Variants in PCBP3 observed in about 807,000 individuals in gnomAD.
PCBP3 encodes poly(rC) binding protein 3.
PCBP3 carries 25 observed loss-of-function variants against 52.7 expected under a neutral mutation model. The observed-to-expected ratio is 0.47, with a 90% CI of 0.35 to 0.66. The LOEUF (loss-of-function observed/expected upper bound fraction) is 0.66, where lower values mean the gene tolerates loss of function less well. Ranked by LOEUF, PCBP3 falls within the 30% of genes least tolerant of loss-of-function variation. PCBP3 has a pLI of 0.01. For missense variants in PCBP3, 391 were observed against 490.3 expected (o/e 0.80, Z 1.91); for synonymous variants, 162 against 183.0 (o/e 0.89, Z 0.93).
chr21:45,671,362 G>A (rs1032394290), intron 2 of PCBP3, among the ~76,000 whole-genome samples: 4 of 152,152 alleles, frequency 2.6e-5, no homozygotes, highest in African/African-American at 9.7e-5. Context: ...TCCAGTTGTC[G>A]CTCTTGTCGT....
intron 1 of PCBP3, among the ~76,000 whole-genome samples, chr21:45,652,177 G>A (rs1361212151): frequency 6.6e-6 from 1 of 152,110 alleles, no homozygotes; most frequent in Non-Finnish European, 1.5e-5. Flanking sequence ...TGGCTGTTCT[G>A]AGCCAGCCCT....
At chr21:45,725,172 G>A (rs1426390000) in intron 2 of PCBP3, among the ~76,000 whole-genome samples, 1 of 152,176 alleles carries the variant, frequency 6.6e-6, no homozygotes. Flanking sequence ...TGGGCCCTGG[G>A]CTGCGGTGCG....
At chr21:45,710,278 T>C (rs1210012085) in intron 2 of PCBP3, among the ~76,000 whole-genome samples, 2 of 152,228 alleles carry the variant, frequency 1.3e-5, no homozygotes, top group Non-Finnish European at 2.9e-5. Flanking sequence ...CCATTAGGTA[T>C]ATATCTCCTA....
intron 13 of PCBP3, among the ~76,000 whole-genome samples, chr21:45,920,423 A>C (rs2074277799): frequency 6.6e-6 from 1 of 152,220 alleles, no homozygotes; most frequent in Non-Finnish European, 1.5e-5. Flanking sequence ...TATCTCTTAG[A>C]AATGGGTAGT....
chr21:45,783,285 G>GT (rs1386689797), intron 4 of PCBP3, among the ~76,000 whole-genome samples: 1 of 152,092 alleles, frequency 6.6e-6, no homozygotes, highest in Non-Finnish European at 1.5e-5. Flanking sequence ...GCTTTTCTTG[G>GT]TTTTCAGCCA....
chr21:45,796,674 T>G (rs1203822125), intron 4 of PCBP3, among the ~76,000 whole-genome samples: 1 of 152,238 alleles, frequency 6.6e-6, no homozygotes. Context: ...TTTTTTCACC[T>G]TTTGCACCAT....
chr21:45,866,918 A>C (rs540986013), intron 5 of PCBP3, among the ~76,000 whole-genome samples: 21 of 152,358 alleles, frequency 1.4e-4, no homozygotes, highest in Admixed American at 1.1e-3. Flanking sequence ...AGGGAACAGG[A>C]ATCCCATAAC....
intron 2 of PCBP3, among the ~76,000 whole-genome samples, chr21:45,684,437 G>A (rs770418773): frequency 1.3e-5 from 2 of 152,154 alleles, no homozygotes; most frequent in Non-Finnish European, 2.9e-5. Context: ...ATATTGAAAT[G>A]TGATCCCCAG....
At chr21:45,910,733 G>A (rs1349091139) in intron 10 of PCBP3, among the ~76,000 whole-genome samples, 169 bp from the exon 11 acceptor site, 1 of 152,200 alleles carries the variant, frequency 6.6e-6, no homozygotes, top group African/African-American at 2.4e-5. Context: ...TGGTAGCAGG[G>A]GCAGCATGGG....
At chr21:45,691,542 A>G (rs2082481049) in intron 2 of PCBP3, among the ~76,000 whole-genome samples, 1 of 151,212 alleles carries the variant, frequency 6.6e-6, no homozygotes, top group Non-Finnish European at 1.5e-5. Flanking sequence ...CATAAATTAA[A>G]CAGAGAGAGG....
At chr21:45,918,830 GA>G (rs879913330) in intron 13 of PCBP3, 5 of 144,894 alleles carry the variant, frequency 3.5e-5, no homozygotes, top group Non-Finnish European at 6.1e-5. Flanking sequence ...TTCCAGTGCT[GA>G]GGGAAGAAGT....
chr21:45,719,510 T>G (rs559176551), intron 2 of PCBP3, among the ~76,000 whole-genome samples: 1 of 152,092 alleles, frequency 6.6e-6, no homozygotes, highest in African/African-American at 2.4e-5. Context: ...AATCCACACA[T>G]GTCAAGGGCA....
chr21:45,927,598 C>A (rs1218302899), intron 13 of PCBP3, among the ~76,000 whole-genome samples: 1 of 151,622 alleles, frequency 6.6e-6, no homozygotes, highest in East Asian at 2.0e-4. Context: ...ACAGATGCTC[C>A]CCCAGCACCG....
At chr21:45,775,931 G>C (rs566743289) in intron 4 of PCBP3, among the ~76,000 whole-genome samples, 2 of 152,234 alleles carry the variant, frequency 1.3e-5, no homozygotes, top group East Asian at 3.9e-4. Flanking sequence ...TTATTAGACT[G>C]TTAATTTGTA....
intron 13 of PCBP3, among the ~76,000 whole-genome samples, chr21:45,927,473 C>G (rs868319564): frequency 2.0e-5 from 3 of 148,880 alleles, no homozygotes; most frequent in Non-Finnish European, 4.5e-5. Context: ...TGGAAGGCCC[C>G]TTGGCACTTA....
intron 4 of PCBP3, chr21:45,761,659 T>G: frequency 6.6e-6 from 1 of 152,452 alleles, no homozygotes. Flanking sequence ...TCAGTGAGGT[T>G]TGTGTTTCCA....
rs897810743 is a variant in PCBP3, at chr21:45,683,041, A to C, written c.-200+14089A>C. On this transcript the variant is annotated intron_variant, in intron 2 of 17. Coordinates refer to ENST00000681687, the MANE Select transcript of PCBP3 (RefSeq NM_001384156.1). ...TCCGAAACAAAACAAAACAAAACAA[A>C]AATACTGCGTGTCATCAATCAGAGA... 2.0e-5 allele frequency among the ~76,000 whole-genome samples: 3 copies of C among 151,762 alleles called. No individual in the cohort carries two copies. The East Asian group carries it at 5.8e-4, about 29-fold the overall frequency.
chr21:45,941,546 C>T, intron 17 of PCBP3, 124 bp from the exon 18 acceptor site: 1 of 809,920 alleles, frequency 1.2e-6, no homozygotes, highest in Non-Finnish European at 2.0e-6. Context: ...TCAGGACCTC[C>T]TGAGCTGACC....
chr21:45,786,003 C>G (rs1201814284), intron 4 of PCBP3, among the ~76,000 whole-genome samples: 1 of 149,870 alleles, frequency 6.7e-6, no homozygotes, highest in Non-Finnish European at 1.5e-5. Flanking sequence ...TGCGGAAGGC[C>G]GCAGGGTCCT....
Sources: gnomAD v4.1 joint callset for allele counts (sites outside exome capture counted in the v4.1 genomes callset) on GRCh38, gnomAD v4.1.1 for gene constraint, MANE v1.5 for transcripts, NCBI Gene and HGNC (gene_info 2026-07-23, HGNC 2026-07-21) for gene names.